PRKN: variants seen among roughly 807,000 people sequenced by gnomAD.
PRKN encodes the protein parkin RBR E3 ubiquitin protein ligase, also known as E3 ubiquitin-protein ligase parkin.
PRKN carries 56 observed loss-of-function variants against 59.5 expected under a neutral mutation model. That is an observed-to-expected ratio of 0.94 (90% CI 0.76 to 1.18). The LOEUF (loss-of-function observed/expected upper bound fraction) is 1.18, where lower values mean the gene tolerates loss of function less well. Among genes scored for constraint, PRKN ranks in the 50% most tolerant of loss-of-function variants. The pLI is 0.00. For synonymous variants in PRKN, 250 were observed against 222.1 expected (o/e 1.13, Z -1.12); for missense variants, 657 against 596.4 (o/e 1.10, Z -1.06).
chr6:161,930,314 T>C (rs1779124681), intron 6 of PRKN, among the ~76,000 whole-genome samples: 1 of 152,210 alleles, frequency 6.6e-6, no homozygotes, highest in Non-Finnish European at 1.5e-5. Flanking sequence ...TTGTATATAA[T>C]AGATACAATA....
chr6:162,365,294 A>T (rs1409083377), intron 2 of PRKN, among the ~76,000 whole-genome samples: 1 of 152,066 alleles, frequency 6.6e-6, no homozygotes, highest in Non-Finnish European at 1.5e-5. Context: ...TAATAGCATG[A>T]TTCACATTCT....
In PRKN at chr6:161,480,290, C is replaced by T. The variant is rs981911179; in HGVS notation, c.1083+68564G>A. ...GATATTAGCAGTAGAGCCTCAAACT[C>T]TGGGGGGCCCTGTGAGTATGGGGCC... On this transcript the variant is annotated intron_variant, in intron 9 of 11. Coordinates refer to ENST00000366898, the MANE Select transcript of PRKN (RefSeq NM_004562.3). This position sits in a 1 kb window ranked among gnomAD's most constrained non-coding sequence, Gnocchi z 4.1. Among the ~76,000 whole-genome samples the T allele has an allele frequency of 6.6e-6, 1 of 152,110 alleles. No individual in the cohort carries two copies. Among genetic ancestry groups the T allele is most frequent in the Non-Finnish European group, 1.5e-5 (1 of 68,006 alleles).
At chr6:162,532,962 C>T (rs866115215) in intron 1 of PRKN, among the ~76,000 whole-genome samples, 1 of 152,214 alleles carries the variant, frequency 6.6e-6, no homozygotes, top group African/African-American at 2.4e-5. Flanking sequence ...GCAATAATGT[C>T]TTGGCAATGT....
intron 2 of PRKN, among the ~76,000 whole-genome samples, chr6:162,384,473 A>C (rs1231125369): frequency 6.6e-6 from 1 of 152,112 alleles, no homozygotes; most frequent in Non-Finnish European, 1.5e-5. Flanking sequence ...ATCGCACTCC[A>C]AAACAATAAG....
At chr6:161,430,116 A>G (rs1583056504) in intron 9 of PRKN, among the ~76,000 whole-genome samples, 1 of 152,146 alleles carries the variant, frequency 6.6e-6, no homozygotes, top group East Asian at 1.9e-4. Flanking sequence ...GTCTTTTATA[A>G]TGGGCCGTGA....
At chr6:162,398,036 CAAA>C (rs10707854) in intron 2 of PRKN, among the ~76,000 whole-genome samples, 7 of 83,720 alleles carry the variant, frequency 8.4e-5, no homozygotes, top group Non-Finnish European at 1.1e-4. Context: ...GATTCTGACT[CAAA>C]AAAAAAAAAA....
rs1785690365 is a variant in PRKN at position 161,376,128 on chromosome 6, G to T, written c.1167+10666C>A. On this transcript the variant is annotated intron_variant, in intron 10 of 11. Transcript: ENST00000366898. This position sits in a 1 kb window ranked among gnomAD's most constrained non-coding sequence, Gnocchi z 7.3. ...TCAAAAAAGATCTCAGCTCCCTGGA[G>T]CCACTGCTGCTTCAGTGTCCTCCAC... Among the ~76,000 whole-genome samples, 1 of 152,206 alleles carries T rather than the reference G, an allele frequency of 6.6e-6. No individual in the cohort carries two copies. Among genetic ancestry groups the T allele is most frequent in the Admixed American group, 6.5e-5 (1 of 15,280 alleles).
chr6:162,102,819 G>A (rs1046883882), intron 4 of PRKN, among the ~76,000 whole-genome samples: 17 of 144,610 alleles, frequency 1.2e-4, no homozygotes, highest in African/African-American at 1.7e-4. Flanking sequence ...CGAGGCAGGC[G>A]GATCACGAGG....
chr6:161,381,894 C>T (rs1333848063), intron 10 of PRKN, among the ~76,000 whole-genome samples: 3 of 151,926 alleles, frequency 2.0e-5, no homozygotes, highest in African/African-American at 4.8e-5. Context: ...GGGTGGATCA[C>T]GAGGTCAGGA....
At chr6:161,531,661 T>G (rs1217847011) in intron 9 of PRKN, among the ~76,000 whole-genome samples, 1 of 152,128 alleles carries the variant, frequency 6.6e-6, no homozygotes, top group African/African-American at 2.4e-5. Context: ...TGCAAACGTG[T>G]AGGGGATATT....
chr6:162,058,674 C>A (rs528040670), intron 4 of PRKN, among the ~76,000 whole-genome samples: 2 of 152,050 alleles, frequency 1.3e-5, no homozygotes, highest in African/African-American at 4.8e-5. Context: ...ACTAATAGGC[C>A]GGGCATGGTG....
chr6:162,107,095 T>A (rs1780220960), intron 4 of PRKN, among the ~76,000 whole-genome samples: 1 of 152,092 alleles, frequency 6.6e-6, no homozygotes, highest in African/African-American at 2.4e-5. Context: ...ATGGGAACAG[T>A]TATCATTTAA....
In PRKN at chr6:161,386,681, CA is replaced by C. The variant is rs1424172204; in HGVS notation, c.1167+112del. On this transcript the variant is annotated intron_variant, in intron 10 of 11. Coordinates refer to ENST00000366898, the MANE Select transcript of PRKN (RefSeq NM_004562.3). The surrounding 1 kb of genome is among the most constrained non-coding windows in gnomAD (Gnocchi z 4.3). Reference sequence around the variant, plus strand: ...CCCCATTCCCATGGCTGTCAGCTACCAGTCTGCTTCTTGCTTTTTTAGAATG... The same window carrying C: ...CCCCATTCCCATGGCTGTCAGCTACCGTCTGCTTCTTGCTTTTTTAGAATG... 4.7e-5 allele frequency: 40 copies of C among 849,428 alleles called. No individual in the cohort carries two copies. The highest frequency in any genetic ancestry group is 2.3e-4 in the Middle Eastern group (1 of 4,302). 52.6% of individuals were successfully genotyped at this position (849,428 alleles called of 1,614,324 possible). A position where few individuals can be genotyped will look rare whatever the true frequency, so the allele number is the denominator to read the frequency against.
chr6:162,185,466 T>C (rs1166182930), intron 4 of PRKN, among the ~76,000 whole-genome samples: 1 of 152,218 alleles, frequency 6.6e-6, no homozygotes, highest in Non-Finnish European at 1.5e-5. Context: ...TAAATGTTTT[T>C]CATGTTGTCG....
chr6:162,262,367 A>T, intron 3 of PRKN, 158 bp downstream of exon 3: 1 of 843,936 alleles, frequency 1.2e-6, no homozygotes, highest in Non-Finnish European at 2.0e-6. Context: ...GTTACATCAA[A>T]GTACTCCACC....
intron 1 of PRKN, among the ~76,000 whole-genome samples, chr6:162,530,706 A>G (rs1778476053): frequency 6.6e-6 from 1 of 152,180 alleles, no homozygotes; most frequent in Non-Finnish European, 1.5e-5. Flanking sequence ...TTAATGGAAT[A>G]TATGTTCTCA....
intron 4 of PRKN, among the ~76,000 whole-genome samples, chr6:162,072,275 G>A (rs1287320543): frequency 2.6e-5 from 4 of 151,938 alleles, no homozygotes; most frequent in Non-Finnish European, 4.4e-5. Context: ...GTGACAGAGC[G>A]AGACTCCGTC....
intron 8 of PRKN, among the ~76,000 whole-genome samples, chr6:161,559,130 T>G (rs1410237488): frequency 1.3e-5 from 2 of 149,020 alleles, no homozygotes; most frequent in African/African-American, 4.9e-5. Context: ...AGTTTTTGGT[T>G]TTTTTTTTTC....
At chr6:161,944,998 T>C (rs1385847035) in intron 6 of PRKN, among the ~76,000 whole-genome samples, 1 of 152,200 alleles carries the variant, frequency 6.6e-6, no homozygotes, top group East Asian at 1.9e-4. Context: ...CCTCAAGTTA[T>C]ATATGAGGAA....
Sources: gnomAD v4.1 joint callset for allele counts (sites outside exome capture counted in the v4.1 genomes callset) on GRCh38, gnomAD v4.1.1 for gene constraint, Gnocchi (gnomAD v3.1) non-coding constraint, MANE v1.5 for transcripts, NCBI Gene and HGNC (gene_info 2026-07-23, HGNC 2026-07-21) for gene names.